Variants in SPATA1 observed in about 807,000 individuals in gnomAD.
The protein encoded by SPATA1 is spermatogenesis-associated protein 1.
In SPATA1, 57 loss-of-function variants were observed where a neutral mutation model predicts 59.6. That is an observed-to-expected ratio of 0.96 (90% CI 0.77 to 1.19). The LOEUF (loss-of-function observed/expected upper bound fraction) is 1.19, where lower values mean the gene tolerates loss of function less well. SPATA1 is among the 50% of genes most tolerant of loss of function. The pLI, the probability that SPATA1 is intolerant of heterozygous loss-of-function variation, is 0.00. For missense variants in SPATA1, 448 were observed against 480.7 expected, an observed-to-expected ratio of 0.93 and a Z score of 0.64; for synonymous variants, 147 against 163.9, an observed-to-expected ratio of 0.90 and a Z score of 0.79.
At position 84,532,776 on chromosome 1, in the gene SPATA1, T is replaced by C. The variant is rs938235806; in HGVS notation, c.545-84T>C. ...TCTGAAATCTACGATAAGATTATAGTGTACATGTATAAAAACAAACGTTTA... is the reference window on the plus strand; with the variant it reads ...TCTGAAATCTACGATAAGATTATAGCGTACATGTATAAAAACAAACGTTTA... On this transcript the variant is annotated intron_variant, in intron 6 of 12. Transcript: ENST00000490879. The C allele has an allele frequency of 3.0e-5, 25 of 846,644 alleles. No individual in the cohort carries two copies. In the Admixed American group the frequency reaches 5.8e-4, roughly 20 times the overall value. The allele number at this position is 846,644 out of a possible 1,614,324, so 52.4% of individuals were successfully genotyped here. A position where few individuals can be genotyped will look rare whatever the true frequency, so the allele number is the denominator to read the frequency against.
intron 12 of SPATA1, chr1:84,552,429 A>G (rs1189187848): frequency 2.0e-5 from 3 of 152,144 alleles, no homozygotes; most frequent in Admixed American, 2.0e-4. Flanking sequence ...AGGTGGTTTG[A>G]ATTTGAATCC....
chr1:84,525,059 C>T (rs971811105), intron 4 of SPATA1, among the ~76,000 whole-genome samples: 2 of 152,180 alleles, frequency 1.3e-5, no homozygotes, highest in African/African-American at 4.8e-5. Flanking sequence ...TCACTGCAGC[C>T]TCCACCTCCC....
At chr1:84,523,295 A>C (rs1271238638) in intron 4 of SPATA1, among the ~76,000 whole-genome samples, 5 of 152,160 alleles carry the variant, frequency 3.3e-5, no homozygotes, top group Admixed American at 6.5e-5. Flanking sequence ...TCCTAGCTTA[A>C]GTTTCAAATC....
intron 8 of SPATA1, among the ~76,000 whole-genome samples, chr1:84,537,266 A>C (rs1683737149): frequency 6.6e-6 from 1 of 152,226 alleles, no homozygotes; most frequent in Admixed American, 6.5e-5. Context: ...CAGAGTGATC[A>C]TAAGGATGTA....
At chr1:84,545,650 A>G in exon 10 of SPATA1, 1 of 1,515,272 alleles carries the variant, frequency 6.6e-7, no homozygotes, top group Non-Finnish European at 8.8e-7. Flanking sequence ...AGATTATCAA[A>G]CAAATGAAAC....
chr1:84,521,784 C>T (rs1683036918), intron 3 of SPATA1, among the ~76,000 whole-genome samples: 1 of 151,982 alleles, frequency 6.6e-6, no homozygotes, highest in African/African-American at 2.4e-5. Context: ...TATTCACATC[C>T]CTTGGAACAA....
intron 11 of SPATA1, chr1:84,549,752 A>G (rs1684214215): frequency 6.6e-6 from 1 of 152,142 alleles, no homozygotes; most frequent in Admixed American, 6.6e-5. Context: ...TATGTTAACT[A>G]TGATTAAAAG....
At chr1:84,563,910 A>T in intron 4 of SPATA1, 1 of 1,429,416 alleles carries the variant, frequency 7.0e-7, no homozygotes, top group African/African-American at 1.5e-5. Context: ...GCAACCGTTC[A>T]GAATCTGTTT....
intron 1 of SPATA1, among the ~76,000 whole-genome samples, chr1:84,508,302 C>A (rs1433099792): frequency 6.6e-6 from 1 of 151,876 alleles, no homozygotes; most frequent in African/African-American, 2.4e-5. Flanking sequence ...AAAACAAAAC[C>A]ATTGAGATAA....
exon 11 of SPATA1, chr1:84,548,860 C>T: frequency 6.0e-6 from 9 of 1,495,886 alleles, no homozygotes; most frequent in Non-Finnish European, 8.1e-6. Flanking sequence ...TTTAACAAAA[C>T]TTCGAGAAGA....
intron 4 of SPATA1, 87 bp downstream of exon 4, chr1:84,522,594 T>A: frequency 1.8e-6 from 1 of 553,112 alleles, no homozygotes; most frequent in Non-Finnish European, 3.0e-6. Flanking sequence ...CTCAGCTCCT[T>A]AAGATATTAT....
At chr1:84,532,898 A>G in exon 7 of SPATA1, 1 of 1,552,254 alleles carries the variant, frequency 6.4e-7, no homozygotes, top group Non-Finnish European at 8.7e-7. Flanking sequence ...CCAAATTGCA[A>G]AAAATCAAAT....
intron 4 of SPATA1, among the ~76,000 whole-genome samples, chr1:84,524,968 T>C (rs1196188878): frequency 1.4e-5 from 2 of 141,232 alleles, no homozygotes; most frequent in Non-Finnish European, 2.9e-5. Flanking sequence ...TCAGTATTTG[T>C]GTTTTGTTTT....
chr1:84,566,407 T>A (rs1433155965), downstream of SPATA1, among the ~76,000 whole-genome samples: 2 of 152,172 alleles, frequency 1.3e-5, no homozygotes, highest in African/African-American at 2.4e-5. Flanking sequence ...CAAAAGTTTT[T>A]AAAATATTGT....
intron 3 of SPATA1, among the ~76,000 whole-genome samples, chr1:84,520,932 T>C (rs1682997329): frequency 6.6e-6 from 1 of 152,102 alleles, no homozygotes; most frequent in Non-Finnish European, 1.5e-5. Context: ...ATAACCTGTG[T>C]ATTATTATGG....
chr1:84,554,040 G>A (rs1328296672), exon 13 of SPATA1: 3 of 152,148 alleles, frequency 2.0e-5, no homozygotes, highest in African/African-American at 7.2e-5. Context: ...TCTTTAGGAA[G>A]CCAAGGCAGG....
At chr1:84,543,234 G>A (rs539717311) in intron 8 of SPATA1, among the ~76,000 whole-genome samples, 6 of 152,200 alleles carry the variant, frequency 3.9e-5, no homozygotes, top group South Asian at 4.1e-4. Flanking sequence ...ATGAGGTACC[G>A]AAGCATAATT....
chr1:84,523,427 T>C (rs1206824011), intron 4 of SPATA1, among the ~76,000 whole-genome samples: 5 of 152,198 alleles, frequency 3.3e-5, no homozygotes, highest in African/African-American at 1.2e-4. Flanking sequence ...TCACTCTCAT[T>C]AACAGATTAT....
chr1:84,518,625 C>A (rs1240490649), intron 2 of SPATA1, among the ~76,000 whole-genome samples: 1 of 151,942 alleles, frequency 6.6e-6, no homozygotes, highest in Non-Finnish European at 1.5e-5. Context: ...CCTCTACCTC[C>A]TTATTTTTCT....
Sources: allele counts gnomAD v4.1 joint callset (sites outside exome capture counted in the v4.1 genomes callset), GRCh38; gene constraint gnomAD v4.1.1; transcripts MANE v1.5; gene names NCBI Gene and HGNC (gene_info 2026-07-23, HGNC 2026-07-21).